The following ZFHX3 variants were observed in gnomAD, a reference collection of about 807,000 sequenced individuals.
ZFHX3 encodes the protein zinc finger homeobox 3, also known as zinc finger homeobox protein 3.
Under a neutral mutation model 279.1 loss-of-function variants are expected in ZFHX3, and 42 were observed. The ratio of observed to expected loss-of-function variants is 0.15; its 90% CI spans 0.12 to 0.19. The LOEUF (loss-of-function observed/expected upper bound fraction) is 0.19. Ranked by LOEUF, ZFHX3 falls within the 10% of genes least tolerant of loss-of-function variation. The pLI is 1.00. For synonymous variants in ZFHX3, 2,293 were observed against 1,957.8 expected (o/e 1.17, Z -4.52); for missense variants, 4,981 against 4,754.0 (o/e 1.05, Z -1.40).
At chr16:73,169,666 G>GAA (rs912878708) in intron 5 of ZFHX3, among the ~76,000 whole-genome samples, 22 of 134,724 alleles carry the variant, frequency 1.6e-4, no homozygotes, top group Non-Finnish European at 2.6e-4. Flanking sequence ...CTCAAAAAAG[G>GAA]AAAAAAAAAA....
chr16:73,600,650 G>T (rs934206407), intron 2 of ZFHX3, among the ~76,000 whole-genome samples: 2 of 152,030 alleles, frequency 1.3e-5, no homozygotes, highest in Admixed American at 1.3e-4. Flanking sequence ...TCGATCTCTT[G>T]ACCTCGTGAT....
chr16:73,462,028 CTTGAT>C (rs1238303245), intron 2 of ZFHX3, among the ~76,000 whole-genome samples: 2 of 152,150 alleles, frequency 1.3e-5, no homozygotes, highest in African/African-American at 4.8e-5. Context: ...TCAGGTCTTC[CTTGAT>C]TTATTTCATC....
chr16:73,450,329 G>C (rs1487721655), intron 3 of ZFHX3, among the ~76,000 whole-genome samples: 1 of 152,006 alleles, frequency 6.6e-6, no homozygotes, highest in African/African-American at 2.4e-5. Context: ...CGTATTCATG[G>C]TAAACAAATG....
chr16:73,293,515 C>T (rs905153172), intron 4 of ZFHX3, among the ~76,000 whole-genome samples: 3 of 152,170 alleles, frequency 2.0e-5, no homozygotes, highest in African/African-American at 7.2e-5. Context: ...TTCTATTCTC[C>T]TCTATTTTCT....
chr16:73,678,779 T>C (rs1212116654), intron 2 of ZFHX3, among the ~76,000 whole-genome samples: 2 of 152,174 alleles, frequency 1.3e-5, no homozygotes, highest in Non-Finnish European at 2.9e-5. Context: ...TTTCATTTCA[T>C]ACATCATTTA....
At chr16:73,127,421 G>C (rs545498498) in intron 7 of ZFHX3, 1 of 1,305,386 alleles carries the variant, frequency 7.7e-7, no homozygotes, top group African/African-American at 1.5e-5. Flanking sequence ...CCAGGTAGTA[G>C]CTGGAGCATC....
At chr16:73,168,233 T>TTC (rs1243612501) in intron 5 of ZFHX3, among the ~76,000 whole-genome samples, 1 of 141,504 alleles carries the variant, frequency 7.1e-6, no homozygotes, top group African/African-American at 2.7e-5. Flanking sequence ...CTTTCTTTCT[T>TTC]TCTTTCTTTC....
intron 3 of ZFHX3, among the ~76,000 whole-genome samples, chr16:73,341,844 C>T (rs1204493772): frequency 1.3e-5 from 2 of 152,078 alleles, no homozygotes; most frequent in Non-Finnish European, 2.9e-5. Flanking sequence ...TCACAAAAGG[C>T]TACATATTGT....
intron 5 of ZFHX3, among the ~76,000 whole-genome samples, chr16:73,225,143 C>T (rs1015498484): frequency 6.6e-6 from 1 of 152,100 alleles, no homozygotes; most frequent in Non-Finnish European, 1.5e-5. Context: ...TATTAGTGTA[C>T]TGCCAAGTCT....
chr16:73,840,189 G>T (rs1045991238), intron 1 of ZFHX3, among the ~76,000 whole-genome samples: 1 of 152,142 alleles, frequency 6.6e-6, no homozygotes, highest in African/African-American at 2.4e-5. Context: ...GCTCTGAGGG[G>T]TGAGGATGAA....
At chr16:73,286,187 G>A (rs1035178365) in intron 4 of ZFHX3, among the ~76,000 whole-genome samples, 6 of 151,572 alleles carry the variant, frequency 4.0e-5, no homozygotes, top group Non-Finnish European at 7.4e-5. Context: ...ACACACACAT[G>A]CCCCTCTCCC....
At chr16:73,059,008 G>A (rs1965638290) in exon 1 of ZFHX3, 1 of 157,102 alleles carries the variant, frequency 6.4e-6, no homozygotes, top group South Asian at 1.7e-4. Flanking sequence ...CGCTGGAAGT[G>A]GGAGCTGATG....
chr16:73,515,255 A>G (rs1018619752), intron 2 of ZFHX3, among the ~76,000 whole-genome samples: 3 of 152,184 alleles, frequency 2.0e-5, no homozygotes, highest in East Asian at 1.9e-4. Flanking sequence ...TCAGTTGCCA[A>G]TTACCAATTC....
At chr16:73,735,316 G>A (rs1335101298) in intron 1 of ZFHX3, among the ~76,000 whole-genome samples, 1 of 143,674 alleles carries the variant, frequency 7.0e-6, no homozygotes, top group Non-Finnish European at 1.5e-5. Context: ...CTAACTTTAT[G>A]TTTCTTGTTG....
intron 1 of ZFHX3, among the ~76,000 whole-genome samples, chr16:73,724,587 G>A (rs1225976368): frequency 5.9e-5 from 9 of 152,240 alleles, no homozygotes; most frequent in Non-Finnish European, 1.3e-4. Context: ...ACCCTTCTGA[G>A]AAACACACGA....
chr16:73,645,389 T>C (rs2052609321), intron 2 of ZFHX3, among the ~76,000 whole-genome samples: 1 of 152,154 alleles, frequency 6.6e-6, no homozygotes, highest in South Asian at 2.1e-4. Flanking sequence ...CCCGAGTAGC[T>C]GGGACTACAG....
intron 4 of ZFHX3, among the ~76,000 whole-genome samples, chr16:72,859,187 G>A (rs1182718546): frequency 6.6e-6 from 1 of 152,188 alleles, no homozygotes; most frequent in South Asian, 2.1e-4. Flanking sequence ...ATCCACAGAA[G>A]GGCATTTCTA....
At chr16:73,862,214 G>A (rs552770344) in intron 1 of ZFHX3, among the ~76,000 whole-genome samples, 2 of 152,124 alleles carry the variant, frequency 1.3e-5, no homozygotes, top group African/African-American at 4.8e-5. Context: ...GTCTACTCTG[G>A]GGTATGTTTC....
At chr16:73,063,048 C>T (rs1271124185), upstream of ZFHX3, among the ~76,000 whole-genome samples, 1 of 152,240 alleles carries the variant, frequency 6.6e-6, no homozygotes, top group African/African-American at 2.4e-5. Context: ...GCCAGCCGGC[C>T]CGTGCCCCAG....
Sources: gnomAD v4.1 joint callset for allele counts (sites outside exome capture counted in the v4.1 genomes callset) on GRCh38, gnomAD v4.1.1 for gene constraint, MANE v1.5 for transcripts, NCBI Gene and HGNC (gene_info 2026-07-23, HGNC 2026-07-21) for gene names.